Variants in CAMKK2 observed in about 807,000 individuals in gnomAD.
CAMKK2 encodes the protein calcium/calmodulin dependent protein kinase kinase 2.
In CAMKK2, 30 loss-of-function variants were observed where a neutral mutation model predicts 67.2. That is an observed-to-expected ratio of 0.45 (90% CI 0.33 to 0.61). The LOEUF (loss-of-function observed/expected upper bound fraction) is 0.61. CAMKK2 is among the 20% of genes least tolerant of loss of function. The pLI, the probability that CAMKK2 is intolerant of heterozygous loss-of-function variation, is 0.02. For synonymous variants in CAMKK2, 322 were observed against 326.2 expected (o/e 0.99, Z 0.14); for missense variants, 643 against 802.0 (o/e 0.80, Z 2.39).
chr12:121,258,101 T>C (rs879439933), intron 7 of CAMKK2, among the ~76,000 whole-genome samples: 1 of 151,280 alleles, frequency 6.6e-6, no homozygotes, highest in Admixed American at 6.6e-5. Flanking sequence ...CTCGGTTCAC[T>C]GCAACCTCCG....
intron 1 of CAMKK2, among the ~76,000 whole-genome samples, chr12:121,289,123 C>T (rs1899422233): frequency 6.6e-6 from 1 of 152,136 alleles, no homozygotes; most frequent in Admixed American, 6.5e-5. Flanking sequence ...GCCTGCAGAG[C>T]CAGGGCGCCC....
At chr12:121,254,701 A>C (rs1287552822) in intron 9 of CAMKK2, among the ~76,000 whole-genome samples, 1 of 152,166 alleles carries the variant, frequency 6.6e-6, no homozygotes, top group Non-Finnish European at 1.5e-5. Context: ...CTAAATAGTC[A>C]CTATTGCTAC....
chr12:121,244,466 G>T, intron 16 of CAMKK2, 107 bp downstream of exon 16: 1 of 1,097,728 alleles, frequency 9.1e-7, no homozygotes, highest in Non-Finnish European at 1.3e-6. Context: ...AGCAGCCCAG[G>T]CTGGAAGGAG....
At position 121,278,530 on chromosome 12, in the gene CAMKK2, G is replaced by A. The variant is rs1391108031; in HGVS notation, c.-59-3945C>T. Among the ~76,000 whole-genome samples, 3 of 152,198 alleles carry A rather than the reference G, an allele frequency of 2.0e-5. No homozygotes were observed. The East Asian group carries it at 5.8e-4, about 29-fold the overall frequency. On this transcript the variant is annotated intron_variant, in intron 1 of 16. Coordinates refer to ENST00000404169, the MANE Select transcript of CAMKK2 (RefSeq NM_001270485.2). ...CCGTGTGTTGTGGGAGGGACCCAGT[G>A]GGAGATAATTGAATCACGGGGGCGG...
In CAMKK2 at chr12:121,245,075, A is replaced by C; in HGVS notation, c.1553+65T>G. ...AGGACCTGTGCAGAGTGGTCTGGGC[A>C]GGGCTGCCCCAAGCCTAGCCTCCAG... On this transcript the variant is annotated intron_variant, in intron 15 of 16. Transcript: ENST00000404169. This position sits in a 1 kb window ranked among gnomAD's most constrained non-coding sequence, Gnocchi z 5.8. 1.8e-6 allele frequency: 2 copies of C among 1,128,964 alleles called. No individual in the cohort carries two copies. The highest frequency in any genetic ancestry group is 2.6e-6 in the Non-Finnish European group (2 of 763,250). 69.9% of individuals were successfully genotyped at this position (1,128,964 alleles called of 1,614,324 possible).
In CAMKK2 at chr12:121,240,671, C is replaced by T. The variant is rs200140244; in HGVS notation, c.*28G>A. 1.1e-5 allele frequency: 17 copies of T among 1,566,452 alleles called. No individual in the cohort carries two copies. Among genetic ancestry groups the T allele is most frequent in the Non-Finnish European group, 1.4e-5 (16 of 1,161,432 alleles). ...GCAGCCCCCCAGAGGCGACGCGGCG[C>T]GCATGCGAGGTCGAGCGATCCAGGC... is the stretch of plus-strand genomic sequence containing the variant. On this transcript the variant is annotated 3_prime_UTR_variant, in exon 17 of 17. Transcript: ENST00000404169. The surrounding 1 kb of genome is among the most constrained non-coding windows in gnomAD (Gnocchi z 4.4).
intron 1 of CAMKK2, among the ~76,000 whole-genome samples, chr12:121,293,699 C>G (rs1900571878): frequency 6.6e-6 from 1 of 151,786 alleles, no homozygotes; most frequent in African/African-American, 2.4e-5. Context: ...TAGGTCACCC[C>G]ACCCTATCCC....
In CAMKK2 at chr12:121,274,241, C is replaced by T. The variant is rs1249796508; in HGVS notation, c.286G>A (p.Gly96Ser). The change falls in exon 2 of 17, where the codon GGT becomes AGT. Residue 96 changes from glycine (G) to serine (S), a missense_variant. Coordinates refer to ENST00000404169, the MANE Select transcript of CAMKK2 (RefSeq NM_001270485.2). ...CGCTCTTGCAGAGACAGCTTGCGAC[C>T]GGAGAGGTGGGGCCGGGCCTGGGAC... ...SGSQARPHLS[G>S]RKLSLQERSQ... The T allele has an allele frequency of 1.4e-5, 23 of 1,609,916 alleles. No homozygotes were observed. In the Admixed American group the frequency reaches 1.5e-4, roughly 11 times the overall value.
chr12:121,266,566 G>A (rs188425140), intron 5 of CAMKK2, among the ~76,000 whole-genome samples: 51 of 149,378 alleles, frequency 3.4e-4, no homozygotes, highest in Middle Eastern at 3.5e-3. Flanking sequence ...GCGCGATCTC[G>A]GCTCAGTGTA....
At chr12:121,258,082 T>C (rs1218575472) in intron 7 of CAMKK2, among the ~76,000 whole-genome samples, 1 of 149,944 alleles carries the variant, frequency 6.7e-6, no homozygotes, top group Non-Finnish European at 1.5e-5. Flanking sequence ...TGGAGTGCAA[T>C]GGCACGATCT....
intron 7 of CAMKK2, 136 bp from the exon 8 acceptor site, chr12:121,255,940 T>A: frequency 1.2e-6 from 1 of 821,304 alleles, no homozygotes; most frequent in Non-Finnish European, 2.1e-6. Context: ...AGAGGAACAG[T>A]CCACTGAACC....
chr12:121,244,269 T>C (rs973907068), intron 16 of CAMKK2: 12 of 835,614 alleles, frequency 1.4e-5, no homozygotes, highest in Admixed American at 6.9e-5. Flanking sequence ...TTCAACACCA[T>C]TGACGTGCAC....
At chr12:121,292,440 T>C (rs543743692) in intron 1 of CAMKK2, among the ~76,000 whole-genome samples, 1 of 152,276 alleles carries the variant, frequency 6.6e-6, no homozygotes. Context: ...TCCTCAATTT[T>C]TTTAAAAAGA....
intron 1 of CAMKK2, among the ~76,000 whole-genome samples, chr12:121,293,128 T>G (rs1252268397): frequency 3.3e-5 from 5 of 151,914 alleles, no homozygotes; most frequent in Admixed American, 3.3e-4. Context: ...ATACAAAAAA[T>G]TAGCCAGGCC....
chr12:121,255,100 G>A (rs915644954), intron 9 of CAMKK2, among the ~76,000 whole-genome samples: 1 of 145,080 alleles, frequency 6.9e-6, no homozygotes, highest in Non-Finnish European at 1.5e-5. Flanking sequence ...TTAGTTTTGA[G>A]AGTTAGATGG....
intron 11 of CAMKK2, among the ~76,000 whole-genome samples, chr12:121,250,366 G>C (rs1439395917): frequency 6.6e-6 from 1 of 152,194 alleles, no homozygotes; most frequent in African/African-American, 2.4e-5. Flanking sequence ...GTGAACAACA[G>C]GAACAACAAG....
intron 1 of CAMKK2, among the ~76,000 whole-genome samples, chr12:121,290,597 G>A (rs980774329): frequency 6.6e-6 from 1 of 152,182 alleles, no homozygotes; most frequent in Non-Finnish European, 1.5e-5. Flanking sequence ...GGCTGAGGCA[G>A]GAGGATCTCT....
intron 1 of CAMKK2, among the ~76,000 whole-genome samples, chr12:121,295,932 C>T (rs1901067258): frequency 6.6e-6 from 1 of 151,428 alleles, no homozygotes; most frequent in Non-Finnish European, 1.5e-5. Context: ...GGCACAGAGC[C>T]CCAATGCTGA....
chr12:121,259,774 C>A (rs1329606421), intron 7 of CAMKK2, among the ~76,000 whole-genome samples: 1 of 152,136 alleles, frequency 6.6e-6, no homozygotes, highest in Non-Finnish European at 1.5e-5. Flanking sequence ...TGTTTTTCTA[C>A]CTTTTTTCTG....
Sources: allele counts gnomAD v4.1 joint callset (sites outside exome capture counted in the v4.1 genomes callset), GRCh38; gene constraint gnomAD v4.1.1; non-coding constraint Gnocchi (gnomAD v3.1); transcripts MANE v1.5; gene names NCBI Gene and HGNC (gene_info 2026-07-23, HGNC 2026-07-21).